The following CHRNA9 variants were observed in gnomAD, a reference collection of about 807,000 sequenced individuals.
CHRNA9 encodes neuronal acetylcholine receptor subunit alpha-9.
In CHRNA9, 24 loss-of-function variants were observed where a neutral mutation model predicts 36.8. That is an observed-to-expected ratio of 0.65 (90% CI 0.47 to 0.92). The LOEUF is 0.92. CHRNA9 is among the 40% of genes least tolerant of loss of function. The pLI is 0.00. For synonymous variants in CHRNA9, 231 were observed against 231.8 expected (o/e 1.00, Z 0.03); for missense variants, 610 against 601.2 (o/e 1.01, Z -0.15).
intron 4 of CHRNA9, among the ~76,000 whole-genome samples, chr4:40,351,373 A>G (rs1399123884): frequency 2.0e-5 from 3 of 151,600 alleles, no homozygotes; most frequent in Non-Finnish European, 4.4e-5. Flanking sequence ...ATAGGGTCTC[A>G]CTATGTTGGC....
At chr4:40,347,805 A>C (rs1257477854) in intron 3 of CHRNA9, 1 of 152,240 alleles carries the variant, frequency 6.6e-6, no homozygotes, top group East Asian at 1.9e-4. Context: ...CCAGAATACC[A>C]CATTATATTT....
chr4:40,339,697 C>T (rs759610823), intron 3 of CHRNA9, among the ~76,000 whole-genome samples: 11 of 151,350 alleles, frequency 7.3e-5, no homozygotes, highest in African/African-American at 2.4e-4. Flanking sequence ...GGTCTCACTC[C>T]TATCGCCCAC....
At position 40,335,921 on chromosome 4, in the gene CHRNA9, T is replaced by C. The variant is rs146064767; in HGVS notation, c.159T>C (p.Asp53=). Residue 53 remains aspartate (D), a synonymous_variant, in exon 2 of 5, where the codon GAT becomes GAC. Coordinates refer to ENST00000310169, the MANE Select transcript of CHRNA9 (RefSeq NM_017581.4). ...CTCTTCGTCCAGTGGAAGATACAGA[T>C]AAAGTCCTGAATGTGACCCTGCAGA... ...SNALRPVEDT[D]KVLNVTLQIT... 358 of 1,612,928 alleles carry C rather than the reference T, an allele frequency of 2.2e-4. 1 individual carries two copies. The East Asian group carries it at 7.0e-3, about 31-fold the overall frequency.
chr4:40,347,428 T>C (rs1712666738), intron 3 of CHRNA9, among the ~76,000 whole-genome samples: 2 of 152,200 alleles, frequency 1.3e-5, no homozygotes, highest in Admixed American at 6.5e-5. Context: ...CCTCAGTAGA[T>C]TGGTTAAATA....
At chr4:40,353,620 G>A (rs139534235) in intron 4 of CHRNA9, among the ~76,000 whole-genome samples, 22 of 152,304 alleles carry the variant, frequency 1.4e-4, no homozygotes, top group African/African-American at 4.8e-4. Context: ...GACAGACCGT[G>A]TATACAACAA....
intron 4 of CHRNA9, among the ~76,000 whole-genome samples, chr4:40,351,434 C>T (rs1269942864): frequency 6.6e-6 from 1 of 151,972 alleles, no homozygotes; most frequent in Non-Finnish European, 1.5e-5. Context: ...CCTCAGCCTC[C>T]CAAAGTGCTG....
In CHRNA9 at chr4:40,354,127, G is replaced by A. The variant is rs773378001; in HGVS notation, c.1047G>A (p.Leu349=). The A allele has an allele frequency of 8.7e-6, 14 of 1,614,210 alleles. No individual in the cohort carries two copies. In the South Asian group the frequency reaches 1.4e-4, roughly 16 times the overall value. The change falls in exon 5 of 5, where the codon TTG becomes TTA. Residue 349 remains leucine (L), a synonymous_variant. Coordinates refer to ENST00000310169, the MANE Select transcript of CHRNA9 (RefSeq NM_017581.4). The part of the protein sequence containing the change: ...VVILKYMSRV[L]FVYDVGESCL... ...TCCTGAAATACATGTCCAGGGTCTT[G>A]TTTGTCTATGATGTGGGTGAAAGCT...
In CHRNA9 at chr4:40,345,408, T is replaced by C. The variant is rs533535071; in HGVS notation, c.366-3474T>C. Among the ~76,000 whole-genome samples, 4 of 152,258 alleles carry C rather than the reference T, an allele frequency of 2.6e-5. No homozygotes were observed. The South Asian group carries it at 6.2e-4, about 24-fold the overall frequency. On this transcript the variant is annotated intron_variant, in intron 3 of 4. Coordinates refer to ENST00000310169, the MANE Select transcript of CHRNA9 (RefSeq NM_017581.4). ...CTCTACAAAAAAAATATATTTTTAA[T>C]ATAATGTATTTAAATTACTCAAGGC...
At chr4:40,349,500 GA>G in intron 4 of CHRNA9, 86 bp downstream of exon 4, 2 of 1,334,864 alleles carry the variant, frequency 1.5e-6, no homozygotes, top group Non-Finnish European at 2.1e-6. Context: ...CTTTAAACTT[GA>G]AAAAATGGAG....
intron 4 of CHRNA9, 29 bp from the exon 5 acceptor site, chr4:40,353,950 T>C (rs528277954): frequency 1.3e-6 from 2 of 1,554,622 alleles, no homozygotes; most frequent in South Asian, 2.4e-5. Flanking sequence ...TTAAAGCAAA[T>C]TCAGTTACGG....
chr4:40,339,225 G>A (rs184838797), intron 3 of CHRNA9, among the ~76,000 whole-genome samples: 93 of 133,698 alleles, frequency 7.0e-4, no homozygotes, highest in Middle Eastern at 0.011. Flanking sequence ...GTTGCAGTGA[G>A]CCAAGATTGC....
intron 3 of CHRNA9, among the ~76,000 whole-genome samples, chr4:40,340,751 G>C (rs1401971692): frequency 6.6e-6 from 1 of 152,130 alleles, no homozygotes; most frequent in Non-Finnish European, 1.5e-5. Flanking sequence ...CATGGGGCTA[G>C]ACTGGTTAGG....
rs771307397 is a variant in CHRNA9, at chr4:40,354,193, G to A, written c.1113G>A (p.Thr371=). The A allele has an allele frequency of 1.7e-5, 27 of 1,614,164 alleles. No homozygotes were observed. The highest frequency in any genetic ancestry group is 1.6e-4 in the Middle Eastern group (1 of 6,062). Residue 371 remains threonine, a synonymous_variant, in exon 5 of 5, where the codon ACG becomes ACA. Coordinates refer to ENST00000310169, the MANE Select transcript of CHRNA9 (RefSeq NM_017581.4). The part of the protein sequence containing the change: ...PHHSRERDHL[T]KVYSKLPESN... ...ACAGTAGAGAGCGGGACCACCTCAC[G>A]AAAGTTTATAGCAAACTCCCAGAGT...
intron 3 of CHRNA9, among the ~76,000 whole-genome samples, chr4:40,338,758 AAGGAATATAAC>A (rs1195662177): frequency 3.3e-5 from 5 of 152,026 alleles, no homozygotes; most frequent in African/African-American, 4.8e-5. Flanking sequence ...ATTCCTTCCC[AAGGAATATAAC>A]AGGAAGATAA....
chr4:40,348,977 C>T lies in CHRNA9; in HGVS notation c.461C>T (p.Ser154Phe), dbSNP rs1712715504. 2.5e-6 allele frequency: 4 copies of T among 1,614,154 alleles called. No individual in the cohort carries two copies. Among genetic ancestry groups the T allele is most frequent in the Non-Finnish European group, 3.4e-6 (4 of 1,180,030 alleles). Residue 154 changes from serine (S) to phenylalanine (F), a missense_variant, in exon 4 of 5, where the codon TCC becomes TTC. By Grantham distance (155) the Ser-to-Phe change is radical. Transcript: ENST00000310169. The stretch of plus-strand genomic sequence containing the variant: ...GATGCACCGGCCATCACCAAAAGCT[C>T]CTGTGTGGTGGATGTCACCTACTTC... The part of the protein sequence containing the change: ...TWDAPAITKS[S>F]CVVDVTYFPF...
At position 40,335,405 on chromosome 4, in the gene CHRNA9, A is replaced by ATTCG; in HGVS notation, c.-62_-61insTCGT. 1 of 1,239,958 alleles carries ATTCG rather than the reference A, an allele frequency of 8.1e-7. No homozygotes were observed. The highest frequency in any genetic ancestry group is 1.2e-6 in the Non-Finnish European group (1 of 838,636). 76.8% of individuals were successfully genotyped at this position (1,239,958 alleles called of 1,614,324 possible). On this transcript the variant is annotated 5_prime_UTR_variant, in exon 1 of 5. Coordinates refer to ENST00000310169, the MANE Select transcript of CHRNA9 (RefSeq NM_017581.4). ...CCTTGTGCCCAGATCCTTTGTATTCATAGGGGGAAGTGGAAGACCACGCTG... is the reference window on the plus strand; with the variant it reads ...CCTTGTGCCCAGATCCTTTGTATTCATTCGTAGGGGGAAGTGGAAGACCACGCTG...
intron 3 of CHRNA9, among the ~76,000 whole-genome samples, chr4:40,339,763 G>C (rs1712447063): frequency 1.3e-5 from 2 of 151,760 alleles, no homozygotes; most frequent in Admixed American, 1.3e-4. Flanking sequence ...CCCGGGCTCA[G>C]GTTATTCTCC....
At chr4:40,339,839 T>TTA (rs1202157300) in intron 3 of CHRNA9, among the ~76,000 whole-genome samples, 15 of 151,876 alleles carry the variant, frequency 9.9e-5, no homozygotes, top group Admixed American at 9.8e-4. Flanking sequence ...TTGTTTTTTT[T>TTA]AATTTTTAGT....
intron 4 of CHRNA9, among the ~76,000 whole-genome samples, chr4:40,351,632 C>T (rs1430051455): frequency 1.3e-5 from 2 of 152,222 alleles, no homozygotes; most frequent in Non-Finnish European, 2.9e-5. Flanking sequence ...ATATCGGTTT[C>T]TGGCCCATGG....
Sources: gnomAD v4.1 joint callset for allele counts (sites outside exome capture counted in the v4.1 genomes callset) on GRCh38, gnomAD v4.1.1 for gene constraint, MANE v1.5 for transcripts, NCBI Gene and HGNC (gene_info 2026-07-23, HGNC 2026-07-21) for gene names.